The following ALAS2 variants were observed in gnomAD, a reference collection of about 807,000 sequenced individuals.
ALAS2 encodes 5'-aminolevulinate synthase 2.
In ALAS2, 3 loss-of-function variants were observed where a neutral mutation model predicts 33.7. The ratio of observed to expected loss-of-function variants is 0.09; its 90% CI spans 0.04 to 0.23. The LOEUF is 0.23. Ranked by LOEUF, ALAS2 falls within the 10% of genes least tolerant of loss-of-function variation. The probability of loss-of-function intolerance (pLI) is 1.00; values close to 1 mark genes in which losing one functional copy is unlikely to be tolerated. For synonymous variants in ALAS2, 191 were observed against 177.3 expected, an observed-to-expected ratio of 1.08 and a Z score of -0.61; for missense variants, 304 against 475.1, an observed-to-expected ratio of 0.64 and a Z score of 3.35.
chrX:55,017,818 T>A (rs760519022), intron 6 of ALAS2, among the ~76,000 whole-genome samples, 153 bp from the exon 7 acceptor site: 6 of 112,232 alleles, frequency 5.3e-5, no homozygotes, highest in Non-Finnish European at 9.4e-5. Context: ...GTGACACTTC[T>A]TTCTCCCTTG....
chrX:55,010,872 T>C (rs922913133), intron 10 of ALAS2, among the ~76,000 whole-genome samples: 4 of 112,177 alleles, frequency 3.6e-5, no homozygotes, highest in African/African-American at 1.3e-4. Context: ...ATTTGTTTGC[T>C]ACTGCATCCC....
rs761546961 is a variant in ALAS2 at position 55,013,523 on chromosome X, G to A, written c.1563C>T (p.Ser521=). 23 of 1,211,537 alleles carry A rather than the reference G, an allele frequency of 1.9e-5. No homozygotes were observed. Among genetic ancestry groups the A allele is most frequent in the Non-Finnish European group, 1.9e-5 (17 of 895,329 alleles). The stretch of plus-strand genomic sequence containing the variant: ...CCATCATCTGAGGGCTGTGGTGGGG[G>A]GAGGGTGCCAAGCGCAGGAGCTCTT... ...RGEELLRLAP[S]PHHSPQMMED... is the part of the protein sequence containing the mutation. Residue 521 remains serine (S), a synonymous_variant, in exon 10 of 11, where the codon TCC becomes TCT. Coordinates refer to ENST00000650242, the MANE Select transcript of ALAS2 (RefSeq NM_000032.5).
In ALAS2 at chrX:55,025,900, C is replaced by G; in HGVS notation, c.101G>C (p.Gly34Ala). 2.5e-6 allele frequency: 3 copies of G among 1,211,629 alleles called. No individual in the cohort carries two copies. The highest frequency in any genetic ancestry group is 3.4e-6 in the Non-Finnish European group (3 of 895,476). The change falls in exon 2 of 11, where the codon GGT (glycine) becomes GCT (alanine). Residue 34 changes from glycine (G) to alanine (A), a missense_variant. This residue lies in a region of ALAS2 where 71 missense variants were observed against 82.8 expected (regional missense o/e 0.86). Coordinates refer to ENST00000650242, the MANE Select transcript of ALAS2 (RefSeq NM_000032.5). ...AGCCAGGATGGGACAGCGTCCAATA[C>G]CAAACAGGAACTGGTGAGTCTTAAC... Reference protein sequence around the residue: ...KVVKTHQFLFGIGRCPILATQ... With the variant: ...KVVKTHQFLFAIGRCPILATQ...
chrX:55,025,401 C>G (rs1313311477), intron 2 of ALAS2, among the ~76,000 whole-genome samples: 1 of 111,458 alleles, frequency 9.0e-6, no homozygotes, highest in Non-Finnish European at 1.9e-5. Context: ...GTGGCATGAT[C>G]TTGGCTCACT....
At chrX:55,015,071 C>T (rs1174134792) in intron 8 of ALAS2, 56 bp from the exon 9 acceptor site, 3 of 1,158,374 alleles carry the variant, frequency 2.6e-6, no homozygotes, top group Non-Finnish European at 3.5e-6. Flanking sequence ...CCCAGAGCAA[C>T]AGGATCATGT....
Position 55,009,358 on chromosome X carries a change from G to A in ALAS2, c.1601-15C>T. On this transcript the variant is annotated splice_polypyrimidine_tract_variant and intron_variant, in intron 10 of 10. Coordinates refer to ENST00000650242, the MANE Select transcript of ALAS2 (RefSeq NM_000032.5). ...CAGCAGCTTCTCTGAAGGTGGTAGG[G>A]GGAGGGGAGGGAAAAAATGGGTTAG... 1 of 1,187,881 alleles carries A rather than the reference G, an allele frequency of 8.4e-7. No individual in the cohort carries two copies. The highest frequency in any genetic ancestry group is 1.1e-6 in the Non-Finnish European group (1 of 882,628).
rs746092559 is a variant in ALAS2 at position 55,013,621 on chromosome X, G to C, written c.1465C>G (p.Leu489Val). The change falls in exon 10 of 11, where the codon CTC becomes GTC. Residue 489 changes from leucine to valine, a missense_variant. Transcript: ENST00000650242. ...RVGNAALNSKLCDLLLSKHGI... is the reference protein window; with the variant it reads ...RVGNAALNSKVCDLLLSKHGI... ...TGCTTGGAGAGCAGGAGATCACAGA[G>C]CTTGCTGTTGAGTGCTGCATTGCCC... 2.5e-6 allele frequency: 3 copies of C among 1,211,662 alleles called. No homozygotes were observed. In the Admixed American group the frequency reaches 6.5e-5, roughly 26 times the overall value.
chrX:55,023,949 C>A, intron 3 of ALAS2, 82 bp from the exon 4 acceptor site: 1 of 808,026 alleles, frequency 1.2e-6, no homozygotes, highest in Non-Finnish European at 1.8e-6. Context: ...AAGCTCAATG[C>A]AACACATGAA....
In ALAS2 at chrX:55,009,341, T is replaced by G; in HGVS notation, c.1603A>C (p.Lys535Gln). Residue 535 changes from lysine to glutamine, a missense_variant and splice_region_variant, in exon 11 of 11, where the codon AAG (lysine) becomes CAG (glutamine). Around this residue, in one of 3 missense-constraint regions of ALAS2, gnomAD observed 95 missense variants for 127.0 expected, o/e 0.75. Coordinates refer to ENST00000650242, the MANE Select transcript of ALAS2 (RefSeq NM_000032.5). The stretch of plus-strand genomic sequence containing the variant: ...ACCGCAGTCCAAGCCAGCAGCAGCT[T>G]CTCTGAAGGTGGTAGGGGGAGGGGA... ...SPQMMEDFVE[K>Q]LLLAWTAVGL... 8.3e-7 allele frequency: 1 copy of G among 1,199,057 alleles called. No individual in the cohort carries two copies. The highest frequency in any genetic ancestry group is 3.0e-5 in the East Asian group (1 of 33,495).
chrX:55,029,643 A>G (rs1935956170), intron 1 of ALAS2, among the ~76,000 whole-genome samples: 1 of 111,897 alleles, frequency 8.9e-6, no homozygotes, highest in South Asian at 3.7e-4. Context: ...TTACCAAAGG[A>G]ACAGATCTGT....
At chrX:55,030,009 A>G (rs1935967982) in intron 1 of ALAS2, among the ~76,000 whole-genome samples, 1 of 92,823 alleles carries the variant, frequency 1.1e-5, no homozygotes, top group South Asian at 6.0e-4. Context: ...CTGGAAGGGA[A>G]GTGGTAATTT....
intron 5 of ALAS2, 92 bp from the exon 6 acceptor site, chrX:55,020,596 A>T (rs914413331): frequency 2.3e-6 from 2 of 873,743 alleles, no homozygotes; most frequent in Non-Finnish European, 3.3e-6. Context: ...ATGGGAGTCA[A>T]TGTTGAGTTA....
chrX:55,018,163 A>G (rs1935736666), intron 6 of ALAS2, among the ~76,000 whole-genome samples: 1 of 111,802 alleles, frequency 8.9e-6, no homozygotes. Context: ...AGCTTATGGC[A>G]TGTCAGAGCT....
intron 1 of ALAS2, among the ~76,000 whole-genome samples, chrX:55,029,379 C>G (rs923273772): frequency 1.8e-4 from 20 of 111,878 alleles, no homozygotes; most frequent in Admixed American, 1.6e-3. Flanking sequence ...TCATGTCAAC[C>G]CTGTGATGAT....
intron 8 of ALAS2, 107 bp from the exon 9 acceptor site, chrX:55,015,122 A>C: frequency 1.1e-6 from 1 of 918,434 alleles, no homozygotes. Context: ...TTGGGGCTCC[A>C]GGCTGTCTTC....
At chrX:55,026,154 C>A in intron 1 of ALAS2, 139 bp from the exon 2 acceptor site, 1 of 534,651 alleles carries the variant, frequency 1.9e-6, no homozygotes, top group Non-Finnish European at 3.1e-6. Flanking sequence ...GAAAGAACTT[C>A]TTTCCCAATG....
intron 6 of ALAS2, 78 bp from the exon 7 acceptor site, chrX:55,017,743 A>G: frequency 9.7e-7 from 1 of 1,033,179 alleles, no homozygotes; most frequent in Admixed American, 2.2e-5. Flanking sequence ...CCTGGCAAAG[A>G]AAAGGGCCAA....
At chrX:55,016,418 A>G (rs959993754) in intron 7 of ALAS2, among the ~76,000 whole-genome samples, 1 of 111,913 alleles carries the variant, frequency 8.9e-6, no homozygotes. Flanking sequence ...TTTAATTATT[A>G]TCACTTACAT....
At chrX:55,023,995 C>T (rs769637853) in intron 3 of ALAS2, 128 bp from the exon 4 acceptor site, 40 of 532,187 alleles carry the variant, frequency 7.5e-5, no homozygotes, top group Non-Finnish European at 1.1e-4. Context: ...GCTTCTACAG[C>T]GAGAAGAAAT....
Sources: allele counts gnomAD v4.1 joint callset (sites outside exome capture counted in the v4.1 genomes callset), GRCh38; gene constraint gnomAD v4.1.1; regional missense constraint gnomAD v4.1.1; transcripts MANE v1.5; gene names NCBI Gene and HGNC (gene_info 2026-07-23, HGNC 2026-07-21).